FBXL5: variants seen among roughly 807,000 people sequenced by gnomAD.
FBXL5 encodes F-box and leucine rich repeat protein 5.
A neutral mutation model predicts 78.3 loss-of-function variants in FBXL5; 26 were observed. The observed-to-expected ratio is 0.33, with a 90% confidence interval of 0.24 to 0.46. The LOEUF (loss-of-function observed/expected upper bound fraction) is 0.46, where lower values mean the gene tolerates loss of function less well. Among genes scored for constraint, FBXL5 ranks in the 20% least tolerant of loss-of-function variants. The pLI, the probability that FBXL5 is intolerant of heterozygous loss-of-function variation, is 1.00. For synonymous variants in FBXL5, 295 were observed against 282.5 expected, an observed-to-expected ratio of 1.04 and a Z score of -0.45; for missense variants, 710 against 829.2, an observed-to-expected ratio of 0.86 and a Z score of 1.77.
At chr4:15,663,402 G>T (rs929766201), upstream of FBXL5, among the ~76,000 whole-genome samples, 2 of 152,182 alleles carry the variant, frequency 1.3e-5, no homozygotes, top group Non-Finnish European at 2.9e-5. Flanking sequence ...GGGGCCAGAG[G>T]TTTCAAAATG....
rs570374221 is a variant in FBXL5 at position 15,625,169 on chromosome 4, G to A, written c.1850+83C>T. On this transcript the variant is annotated intron_variant, in intron 9 of 10. Transcript: ENST00000341285. ...TTTTGCTAAGTAAATCAACTGAAAA[G>A]AATGACTTAGATCAAAATTTTTATA... 35 of 1,449,862 alleles carry A rather than the reference G, an allele frequency of 2.4e-5. No individual in the cohort carries two copies. The East Asian group carries it at 7.6e-4, about 31-fold the overall frequency. The allele number at this position is 1,449,862 out of a possible 1,614,324, so 89.8% of individuals were successfully genotyped here. A position where few individuals can be genotyped will look rare whatever the true frequency, so the allele number is the denominator to read the frequency against.
rs748576438 is a variant in FBXL5, at chr4:15,625,988, A to C, written c.1125-11T>G. 6.5e-7 allele frequency: 1 copy of C among 1,537,084 alleles called. No homozygotes were observed. Among genetic ancestry groups the C allele is most frequent in the Non-Finnish European group, 8.7e-7 (1 of 1,153,136 alleles). ...CCAAGCCAAGACCAACTATAATTAA[A>C]AGACAAGACTATTAATGAATATTGT... On this transcript the variant is annotated splice_polypyrimidine_tract_variant and intron_variant, in intron 8 of 10. Transcript: ENST00000341285.
chr4:15,651,349 A>T (rs1716019414), intron 1 of FBXL5, among the ~76,000 whole-genome samples: 1 of 152,238 alleles, frequency 6.6e-6, no homozygotes, highest in Non-Finnish European at 1.5e-5. Flanking sequence ...CTAATTACTA[A>T]TTGAATGAGT....
At chr4:15,663,005 T>C (rs1391199554), upstream of FBXL5, among the ~76,000 whole-genome samples, 4 of 152,204 alleles carry the variant, frequency 2.6e-5, no homozygotes. Context: ...TAAGAAATGG[T>C]TGTAAAATAT....
At chr4:15,614,032 G>A (rs750707115) in intron 9 of FBXL5, among the ~76,000 whole-genome samples, 41 of 152,260 alleles carry the variant, frequency 2.7e-4, no homozygotes, top group Admixed American at 5.9e-4. Context: ...CATATAACCA[G>A]AATTGTTTTT....
intron 8 of FBXL5, 38 bp downstream of exon 8, chr4:15,626,835 A>C (rs1361296740): frequency 7.3e-7 from 1 of 1,373,520 alleles, no homozygotes; most frequent in Admixed American, 2.1e-5. Flanking sequence ...CTTATAAAAT[A>C]GTTTTTCATT....
intron 1 of FBXL5, among the ~76,000 whole-genome samples, chr4:15,650,721 G>A (rs1408205650): frequency 2.3e-5 from 3 of 128,894 alleles, no homozygotes; most frequent in Non-Finnish European, 4.7e-5. Flanking sequence ...AGGCTGGAGT[G>A]CAATCGCCAA....
At chr4:15,632,280 T>TTTTG (rs1713751581) in intron 5 of FBXL5, among the ~76,000 whole-genome samples, 1 of 152,216 alleles carries the variant, frequency 6.6e-6, no homozygotes, top group African/African-American at 2.4e-5. Flanking sequence ...TATATCTCTG[T>TTTTG]TTTGGTACCA....
chr4:15,675,342 CAAAT>C (rs1717944677), intron 1 of FBXL5, among the ~76,000 whole-genome samples: 1 of 152,064 alleles, frequency 6.6e-6, no homozygotes, highest in South Asian at 2.1e-4. Context: ...ATAAGTACCA[CAAAT>C]AAAAATTATT....
intron 3 of FBXL5, among the ~76,000 whole-genome samples, chr4:15,639,349 C>T (rs947607144): frequency 6.6e-6 from 1 of 152,176 alleles, no homozygotes; most frequent in African/African-American, 2.4e-5. Context: ...AACTGAACTC[C>T]ACCCAAACAG....
At chr4:15,629,017 A>C (rs1440368332) in intron 6 of FBXL5, among the ~76,000 whole-genome samples, 1 of 152,114 alleles carries the variant, frequency 6.6e-6, no homozygotes, top group Non-Finnish European at 1.5e-5. Context: ...ATGTGTGATG[A>C]TTAAATCAAG....
chr4:15,678,644 G>C (rs1718081992), intron 1 of FBXL5, among the ~76,000 whole-genome samples: 1 of 152,136 alleles, frequency 6.6e-6, no homozygotes, highest in Admixed American at 6.5e-5. Flanking sequence ...TTCCTAGGTA[G>C]AGCATTAATT....
chr4:15,646,445 C>T, intron 1 of FBXL5, among the ~76,000 whole-genome samples: 1 of 146,744 alleles, frequency 6.8e-6, no homozygotes. Flanking sequence ...CAAACACTAT[C>T]ATGTATCATT....
At chr4:15,639,672 A>G (rs1714637351) in intron 3 of FBXL5, among the ~76,000 whole-genome samples, 1 of 152,224 alleles carries the variant, frequency 6.6e-6, no homozygotes, top group Non-Finnish European at 1.5e-5. Flanking sequence ...GTCAGTCTAG[A>G]AATTCAGTGG....
At position 15,630,883 on chromosome 4, in the gene FBXL5, C is replaced by T. The variant is rs577694054; in HGVS notation, c.767-92G>A. ...AAGCTATTTACGATAAAAATCTCTA[C>T]AAAGAGAAAACATCTGAGCCCTAGG... On this transcript the variant is annotated intron_variant, in intron 5 of 10. Coordinates refer to ENST00000341285, the MANE Select transcript of FBXL5 (RefSeq NM_012161.4). 4 of 1,505,880 alleles carry T rather than the reference C, an allele frequency of 2.7e-6. No individual in the cohort carries two copies. The African/African-American group carries it at 6.0e-5, about 23-fold the overall frequency. The allele number at this position is 1,505,880 out of a possible 1,614,324, so 93.3% of individuals were successfully genotyped here.
chr4:15,619,096 G>A (rs1256433634), intron 9 of FBXL5, among the ~76,000 whole-genome samples: 1 of 152,156 alleles, frequency 6.6e-6, no homozygotes, highest in East Asian at 1.9e-4. Flanking sequence ...CTAGGAAATT[G>A]AGGCTGCAGT....
intron 1 of FBXL5, among the ~76,000 whole-genome samples, chr4:15,654,455 C>T (rs550099065): frequency 6.6e-6 from 1 of 152,262 alleles, no homozygotes; most frequent in African/African-American, 2.4e-5. Context: ...ACAGTTAAAC[C>T]AACTTTTCCT....
intron 1 of FBXL5, among the ~76,000 whole-genome samples, chr4:15,647,014 G>C (rs1297464580): frequency 6.6e-6 from 1 of 151,764 alleles, no homozygotes; most frequent in Non-Finnish European, 1.5e-5. Flanking sequence ...CCTGAGGTCA[G>C]GAGTTCGAGA....
chr4:15,660,482 A>G (rs1358871312), upstream of FBXL5, among the ~76,000 whole-genome samples: 3 of 152,206 alleles, frequency 2.0e-5, no homozygotes, highest in Non-Finnish European at 4.4e-5. Context: ...CTAGAAATAG[A>G]GATGTCATGT....
Sources: gnomAD v4.1 joint callset for allele counts (sites outside exome capture counted in the v4.1 genomes callset) on GRCh38, gnomAD v4.1.1 for gene constraint, MANE v1.5 for transcripts, NCBI Gene and HGNC (gene_info 2026-07-23, HGNC 2026-07-21) for gene names.